CTNNA3: variants seen among roughly 807,000 people sequenced by gnomAD.
CTNNA3 encodes the protein catenin alpha-3.
CTNNA3 carries 76 observed loss-of-function variants against 95.7 expected under a neutral mutation model. The observed-to-expected ratio is 0.79, with a 90% confidence interval of 0.66 to 0.96. The LOEUF (loss-of-function observed/expected upper bound fraction) is 0.96. Ranked by LOEUF, CTNNA3 falls within the 40% of genes least tolerant of loss-of-function variation. The pLI is 0.00. For synonymous variants in CTNNA3, 431 were observed against 374.4 expected, an observed-to-expected ratio of 1.15 and a Z score of -1.74; for missense variants, 1,191 against 1,089.8, an observed-to-expected ratio of 1.09 and a Z score of -1.31.
chr10:67,151,102 T>C (rs1190513699), intron 7 of CTNNA3, among the ~76,000 whole-genome samples: 1 of 152,140 alleles, frequency 6.6e-6, no homozygotes, highest in Non-Finnish European at 1.5e-5. Flanking sequence ...AAACTAAAAA[T>C]TACTTTAAAA....
At chr10:67,220,006 G>T in intron 5 of CTNNA3, 136 bp from the exon 6 acceptor site, 1 of 660,600 alleles carries the variant, frequency 1.5e-6, no homozygotes, top group African/African-American at 1.8e-5. Context: ...TTATAATCAA[G>T]GGCATCTATT....
intron 13 of CTNNA3, among the ~76,000 whole-genome samples, chr10:66,191,948 G>A (rs1053089477): frequency 1.3e-5 from 2 of 152,062 alleles, no homozygotes; most frequent in African/African-American, 4.8e-5. Flanking sequence ...TGTGGGAATG[G>A]GTTTATCCTA....
chr10:67,481,792 C>T (rs1848241893), intron 5 of CTNNA3, among the ~76,000 whole-genome samples: 2 of 152,248 alleles, frequency 1.3e-5, no homozygotes, highest in South Asian at 2.1e-4. Context: ...GTTGTCATTG[C>T]TTTTGGTGTT....
intron 5 of CTNNA3, among the ~76,000 whole-genome samples, chr10:67,338,627 T>G (rs1029665331): frequency 1.3e-5 from 2 of 152,132 alleles, no homozygotes; most frequent in Non-Finnish European, 2.9e-5. Flanking sequence ...AGACTCAGAA[T>G]ATCTTAAAAT....
intron 7 of CTNNA3, among the ~76,000 whole-genome samples, chr10:66,778,371 T>C (rs1415932106): frequency 1.3e-5 from 2 of 152,062 alleles, no homozygotes; most frequent in South Asian, 2.1e-4. Context: ...TAACAAATCA[T>C]CAATGAGCTC....
In CTNNA3 at chr10:66,360,116, C is replaced by G. The variant is rs76459586; in HGVS notation, c.1732+19036G>C. ...TGCTGGGATTACAGGCATGAGCCAT[C>G]GCACCTGGCCCTCATCTTACTAAAT... On this transcript the variant is annotated intron_variant, in intron 12 of 17. Coordinates refer to ENST00000433211, the MANE Select transcript of CTNNA3 (RefSeq NM_013266.4). Among the ~76,000 whole-genome samples, 28 of 152,050 alleles carry G rather than the reference C, an allele frequency of 1.8e-4. No homozygotes were observed. In the South Asian group the frequency reaches 5.6e-3, roughly 30 times the overall value.
intron 13 of CTNNA3, among the ~76,000 whole-genome samples, chr10:66,146,150 C>A (rs1334111658): frequency 1.3e-5 from 2 of 152,132 alleles, no homozygotes; most frequent in Non-Finnish European, 1.5e-5. Context: ...CCGTGCCCGG[C>A]CGAAGTGGCT....
intron 7 of CTNNA3, among the ~76,000 whole-genome samples, chr10:66,977,822 T>C (rs1200427948): frequency 6.6e-6 from 1 of 152,204 alleles, no homozygotes; most frequent in African/African-American, 2.4e-5. Flanking sequence ...ACTAAAGATA[T>C]GTCATGCTTT....
At chr10:67,248,767 T>C (rs933336697) in intron 5 of CTNNA3, among the ~76,000 whole-genome samples, 3 of 152,168 alleles carry the variant, frequency 2.0e-5, no homozygotes, top group Non-Finnish European at 4.4e-5. Context: ...AAAGCTGGAC[T>C]CCTACCTCAC....
chr10:67,188,917 G>A (rs1188741292), intron 6 of CTNNA3, among the ~76,000 whole-genome samples: 2 of 152,040 alleles, frequency 1.3e-5, no homozygotes, highest in Non-Finnish European at 2.9e-5. Flanking sequence ...AGGAGTTCAA[G>A]ACCAGCCTGG....
At chr10:66,728,339 CAG>C (rs1397762420) in intron 9 of CTNNA3, among the ~76,000 whole-genome samples, 1 of 152,174 alleles carries the variant, frequency 6.6e-6, no homozygotes, top group Non-Finnish European at 1.5e-5. Context: ...AGACCTTTGT[CAG>C]ATGGATAGAT....
chr10:67,533,478 A>T (rs1387331665), intron 4 of CTNNA3, among the ~76,000 whole-genome samples: 1 of 152,236 alleles, frequency 6.6e-6, no homozygotes, highest in Non-Finnish European at 1.5e-5. Flanking sequence ...CAATGGTGAC[A>T]ATAGAGCCAA....
At chr10:66,609,620 C>G (rs1486905456) in intron 10 of CTNNA3, among the ~76,000 whole-genome samples, 1 of 151,646 alleles carries the variant, frequency 6.6e-6, no homozygotes, top group African/African-American at 2.4e-5. Context: ...AGCAAGGTTG[C>G]AGAGAAAAAG....
At chr10:67,371,161 C>T (rs1055749178) in intron 5 of CTNNA3, among the ~76,000 whole-genome samples, 4 of 151,758 alleles carry the variant, frequency 2.6e-5, no homozygotes, top group Admixed American at 6.6e-5. Context: ...CCACCGCGCC[C>T]GGCCAAGAGG....
Position 66,042,279 on chromosome 10 carries a change from T to A in CTNNA3, c.2159+27029A>T, listed in dbSNP as rs184435472. 8.2e-3 allele frequency among the ~76,000 whole-genome samples: 1,254 copies of A among 152,266 alleles called. 14 individuals are homozygous for A. Among genetic ancestry groups the A allele is most frequent in the African/African-American group, 0.029 (1,188 of 41,556 alleles). On this transcript the variant is annotated intron_variant, in intron 15 of 17. Coordinates refer to ENST00000433211, the MANE Select transcript of CTNNA3 (RefSeq NM_013266.4). ...TATATTCATGAACTTTCTATATTTT[T>A]AAAAATTTATTAATTTATGTGTCTA...
intron 9 of CTNNA3, among the ~76,000 whole-genome samples, chr10:66,645,978 A>G (rs1845693964): frequency 1.3e-5 from 2 of 152,306 alleles, no homozygotes; most frequent in African/African-American, 4.8e-5. Flanking sequence ...AAAACTTAAT[A>G]TCAGGTAGAG....
At chr10:67,405,342 G>A (rs1845095684) in intron 5 of CTNNA3, among the ~76,000 whole-genome samples, 1 of 152,084 alleles carries the variant, frequency 6.6e-6, no homozygotes, top group Non-Finnish European at 1.5e-5. Flanking sequence ...ATAAAGGGAT[G>A]GAGGAAAATT....
chr10:66,862,392 A>G (rs1843975014), intron 7 of CTNNA3, among the ~76,000 whole-genome samples: 2 of 152,202 alleles, frequency 1.3e-5, no homozygotes, highest in African/African-American at 2.4e-5. Flanking sequence ...GATTTACTGT[A>G]TGTCAGATAA....
rs78745282 is a variant in CTNNA3 at position 66,450,240 on chromosome 10, C to G, written c.1531+70377G>C. Among the ~76,000 whole-genome samples, 1,941 of 152,182 alleles carry G rather than the reference C, an allele frequency of 0.013. 166 individuals carry two copies. In the East Asian group the frequency reaches 0.24, roughly 19 times the overall value. Reference sequence around the variant, plus strand: ...ATTTATTTTCTCATTTGATATTTTGCAGTTATGTTTAAGTCACATGCTAGA... The same window carrying G: ...ATTTATTTTCTCATTTGATATTTTGGAGTTATGTTTAAGTCACATGCTAGA... On this transcript the variant is annotated intron_variant, in intron 11 of 17. Coordinates refer to ENST00000433211, the MANE Select transcript of CTNNA3 (RefSeq NM_013266.4).
Sources: gnomAD v4.1 joint callset for allele counts (sites outside exome capture counted in the v4.1 genomes callset) on GRCh38, gnomAD v4.1.1 for gene constraint, MANE v1.5 for transcripts, NCBI Gene and HGNC (gene_info 2026-07-23, HGNC 2026-07-21) for gene names.